TENM4: variants seen among roughly 807,000 people sequenced by gnomAD.
TENM4 encodes teneurin transmembrane protein 4.
A neutral mutation model predicts 243.3 loss-of-function variants in TENM4; 82 were observed. The observed-to-expected ratio is 0.34, with a 90% CI of 0.28 to 0.40. The LOEUF (loss-of-function observed/expected upper bound fraction) is 0.40, where lower values mean the gene tolerates loss of function less well. Ranked by LOEUF, TENM4 falls within the 10% of genes least tolerant of loss-of-function variation. The probability of loss-of-function intolerance (pLI) is 1.00; values close to 1 mark genes in which losing one functional copy is unlikely to be tolerated. For missense variants in TENM4, 3,138 were observed against 3,673.3 expected (o/e 0.85, Z 3.77); for synonymous variants, 1,412 against 1,456.3 (o/e 0.97, Z 0.69).
intron 1 of TENM4, among the ~76,000 whole-genome samples, chr11:79,428,888 T>G (rs984836140): frequency 6.6e-6 from 1 of 152,210 alleles, no homozygotes; most frequent in Non-Finnish European, 1.5e-5. Context: ...CTGTATTCTA[T>G]GCAGCATTTC....
intron 1 of TENM4, among the ~76,000 whole-genome samples, chr11:79,365,407 T>C (rs1487980066): frequency 6.6e-6 from 1 of 152,150 alleles, no homozygotes; most frequent in Non-Finnish European, 1.5e-5. Flanking sequence ...CCAGGATCTT[T>C]TAATTGGGAG....
At chr11:78,930,945 A>G (rs1233145562) in intron 6 of TENM4, among the ~76,000 whole-genome samples, 1 of 152,180 alleles carries the variant, frequency 6.6e-6, no homozygotes, top group African/African-American at 2.4e-5. Flanking sequence ...AAGGGTTCCA[A>G]ATGGTTATGC....
At chr11:79,363,892 T>A (rs1785508829) in intron 1 of TENM4, among the ~76,000 whole-genome samples, 2 of 152,238 alleles carry the variant, frequency 1.3e-5, no homozygotes. Flanking sequence ...CTTCCTTTAT[T>A]GTTTCAGTGA....
At chr11:79,343,060 C>T (rs535218789) in intron 1 of TENM4, among the ~76,000 whole-genome samples, 2 of 152,250 alleles carry the variant, frequency 1.3e-5, no homozygotes, top group East Asian at 3.9e-4. Context: ...GAGGCACTGG[C>T]ACACGCAGCT....
chr11:79,087,703 T>G (rs1860841334), intron 4 of TENM4, among the ~76,000 whole-genome samples: 1 of 152,244 alleles, frequency 6.6e-6, no homozygotes, highest in Admixed American at 6.5e-5. Flanking sequence ...TACAAGGTCC[T>G]TCCTGCAGCT....
chr11:79,047,373 T>C (rs1282966526), intron 6 of TENM4, among the ~76,000 whole-genome samples: 1 of 152,190 alleles, frequency 6.6e-6, no homozygotes, highest in Admixed American at 6.5e-5. Context: ...ACAAAGCTAA[T>C]CAATAGTGGG....
At chr11:78,890,341 C>A (rs1309725919) in intron 8 of TENM4, among the ~76,000 whole-genome samples, 2 of 152,176 alleles carry the variant, frequency 1.3e-5, no homozygotes. Flanking sequence ...ACGGATGGGG[C>A]TGGGATACTG....
chr11:78,929,969 T>C (rs1262016985), intron 6 of TENM4, among the ~76,000 whole-genome samples: 1 of 152,214 alleles, frequency 6.6e-6, no homozygotes, highest in East Asian at 1.9e-4. Flanking sequence ...TTTAAACTGG[T>C]TGGGGCAGCT....
chr11:78,785,433 T>C (rs1489357979), intron 16 of TENM4, among the ~76,000 whole-genome samples: 1 of 152,062 alleles, frequency 6.6e-6, no homozygotes, highest in Non-Finnish European at 1.5e-5. Flanking sequence ...GATGCCTCAG[T>C]GGAAAACCAG....
At chr11:78,762,997 G>A (rs921233504) in intron 18 of TENM4, among the ~76,000 whole-genome samples, 7 of 152,180 alleles carry the variant, frequency 4.6e-5, no homozygotes, top group Admixed American at 2.0e-4. Context: ...AACATTTATA[G>A]TTTCCAAATA....
intron 6 of TENM4, among the ~76,000 whole-genome samples, chr11:78,992,571 G>A (rs989662783): frequency 1.3e-5 from 2 of 152,312 alleles, no homozygotes; most frequent in East Asian, 1.9e-4. Flanking sequence ...TTTTCCTGCC[G>A]AAGATAGTTT....
In TENM4 at chr11:78,855,947, T is replaced by A; in HGVS notation, c.1470+17A>T. On this transcript the variant is annotated intron_variant, in intron 11 of 33. Transcript: ENST00000278550. ...GGAGCCCATGCAGATCAACAGGGTATGTGGGGTTCTGGTTACCTGTGTATG... is the reference window on the plus strand; with the variant it reads ...GGAGCCCATGCAGATCAACAGGGTAAGTGGGGTTCTGGTTACCTGTGTATG... 6.5e-7 allele frequency: 1 copy of A among 1,550,266 alleles called. No individual in the cohort carries two copies. Among genetic ancestry groups the A allele is most frequent in the South Asian group, 1.2e-5 (1 of 84,006 alleles).
chr11:79,054,048 C>A (rs899190046), intron 6 of TENM4, among the ~76,000 whole-genome samples: 1 of 152,176 alleles, frequency 6.6e-6, no homozygotes, highest in African/African-American at 2.4e-5. Context: ...GTGGAGAGAT[C>A]CAGGTGGGTG....
chr11:79,427,276 A>G (rs908774434), intron 1 of TENM4, among the ~76,000 whole-genome samples: 3 of 152,242 alleles, frequency 2.0e-5, no homozygotes, highest in Non-Finnish European at 4.4e-5. Flanking sequence ...AATTTCAAGT[A>G]AAGAAATTGG....
chr11:79,077,945 G>C (rs1160780371), intron 4 of TENM4, among the ~76,000 whole-genome samples: 1 of 152,166 alleles, frequency 6.6e-6, no homozygotes, highest in Non-Finnish European at 1.5e-5. Context: ...AAGAGTGTGG[G>C]GCCCGGGAGA....
At chr11:79,397,348 A>G (rs1858366634) in intron 1 of TENM4, among the ~76,000 whole-genome samples, 1 of 152,194 alleles carries the variant, frequency 6.6e-6, no homozygotes, top group Non-Finnish European at 1.5e-5. Flanking sequence ...CAGGGGACTG[A>G]GTAACTGGAA....
intron 2 of TENM4, among the ~76,000 whole-genome samples, chr11:79,236,364 C>A (rs543911623): frequency 6.6e-6 from 1 of 152,198 alleles, no homozygotes; most frequent in Admixed American, 6.5e-5. Flanking sequence ...CTAAGGATCA[C>A]GCACAGCTAT....
intron 1 of TENM4, among the ~76,000 whole-genome samples, chr11:79,396,738 G>C (rs1858353505): frequency 6.6e-6 from 1 of 152,196 alleles, no homozygotes; most frequent in African/African-American, 2.4e-5. Context: ...CTTCAGGCAT[G>C]GTGGCCACTG....
intron 2 of TENM4, among the ~76,000 whole-genome samples, chr11:79,264,445 A>G (rs1855850032): frequency 6.6e-6 from 1 of 152,192 alleles, no homozygotes; most frequent in Non-Finnish European, 1.5e-5. Flanking sequence ...GTAAACCGAC[A>G]AGGGCTTTGT....
Sources: allele counts gnomAD v4.1 joint callset (sites outside exome capture counted in the v4.1 genomes callset), GRCh38; gene constraint gnomAD v4.1.1; transcripts MANE v1.5; gene names NCBI Gene and HGNC (gene_info 2026-07-23, HGNC 2026-07-21).